MBTD1: variants seen among roughly 807,000 people sequenced by gnomAD.
The protein encoded by MBTD1 is mbt domain containing 1.
In MBTD1, 24 loss-of-function variants were observed where a neutral mutation model predicts 87.8. The ratio of observed to expected loss-of-function variants is 0.27; its 90% CI spans 0.20 to 0.38. The LOEUF (loss-of-function observed/expected upper bound fraction) is 0.38, where lower values mean the gene tolerates loss of function less well. MBTD1 is among the 10% of genes least tolerant of loss of function. The pLI, the probability that MBTD1 is intolerant of heterozygous loss-of-function variation, is 1.00. For synonymous variants in MBTD1, 237 were observed against 248.6 expected (o/e 0.95, Z 0.44); for missense variants, 436 against 760.2 (o/e 0.57, Z 5.02).
At chr17:51,194,667 A>G (rs1409816554) in intron 13 of MBTD1, among the ~76,000 whole-genome samples, 1 of 144,306 alleles carries the variant, frequency 6.9e-6, no homozygotes, top group Admixed American at 7.1e-5. Context: ...GGATCAGTTG[A>G]GGCCAGGACT....
intron 2 of MBTD1, among the ~76,000 whole-genome samples, chr17:51,232,645 T>G (rs1458844836): frequency 6.6e-6 from 1 of 151,814 alleles, no homozygotes; most frequent in Non-Finnish European, 1.5e-5. Flanking sequence ...AATGTAAAGA[T>G]CCAATAAAAG....
intron 3 of MBTD1, among the ~76,000 whole-genome samples, chr17:51,220,779 G>C (rs951773735): frequency 6.6e-6 from 1 of 152,110 alleles, no homozygotes; most frequent in Non-Finnish European, 1.5e-5. Flanking sequence ...CCATGTGCCA[G>C]GCATTTTCAT....
At chr17:51,190,335 G>T (rs570797256) in intron 16 of MBTD1, among the ~76,000 whole-genome samples, 33 of 152,020 alleles carry the variant, frequency 2.2e-4, no homozygotes, top group Admixed American at 3.9e-4. Context: ...ACCCAGGCTG[G>T]TCTAAAGCCA....
In MBTD1 at chr17:51,179,516, A is replaced by ATATATT. The variant is rs2050225238; in HGVS notation, c.*1059_*1060insAATATA. 2.3e-5 allele frequency: 2 copies of ATATATT among 87,960 alleles called. No homozygotes were observed. Among genetic ancestry groups the ATATATT allele is most frequent in the African/African-American group, 9.8e-5 (2 of 20,410 alleles). The allele number at this position is 87,960 out of a possible 1,614,324, so 5.4% of individuals were successfully genotyped here. A position where few individuals can be genotyped will look rare whatever the true frequency, so the allele number is the denominator to read the frequency against. On this transcript the variant is annotated 3_prime_UTR_variant, in exon 17 of 17. Coordinates refer to ENST00000586178, the MANE Select transcript of MBTD1 (RefSeq NM_017643.3). Reference sequence around the variant, plus strand: ...TATATATATATATATATATATATATATATATATATATATATATATATGGAA... The same window carrying ATATATT: ...TATATATATATATATATATATATATATATATTTATATATATATATATATATATGGAA...
At chr17:51,210,051 G>A (rs1303709510) in intron 6 of MBTD1, among the ~76,000 whole-genome samples, 8 of 152,118 alleles carry the variant, frequency 5.3e-5, no homozygotes, top group Admixed American at 5.2e-4. Flanking sequence ...GCCCAGGCTG[G>A]AGTGAAGTGG....
chr17:51,217,692 TC>T (rs1182750557), intron 5 of MBTD1, among the ~76,000 whole-genome samples: 3 of 152,194 alleles, frequency 2.0e-5, no homozygotes, highest in Non-Finnish European at 4.4e-5. Context: ...CACTGGAACT[TC>T]TGCTTCCCAG....
chr17:51,188,270 G>C (rs1024352954), intron 16 of MBTD1, among the ~76,000 whole-genome samples: 3 of 152,190 alleles, frequency 2.0e-5, no homozygotes, highest in African/African-American at 4.8e-5. Context: ...TTTGAGACTA[G>C]AGAGTGTCTA....
At chr17:51,227,611 GA>G (rs1010177342) in intron 2 of MBTD1, among the ~76,000 whole-genome samples, 14 of 148,810 alleles carry the variant, frequency 9.4e-5, no homozygotes, top group African/African-American at 2.7e-4. Context: ...TGTTGGAAAA[GA>G]AAAAAAAAAT....
intron 6 of MBTD1, among the ~76,000 whole-genome samples, chr17:51,212,932 G>A (rs1373346604): frequency 6.6e-6 from 1 of 152,138 alleles, no homozygotes; most frequent in African/African-American, 2.4e-5. Context: ...GTTTCACCAT[G>A]TTGATCAGGC....
intron 6 of MBTD1, among the ~76,000 whole-genome samples, chr17:51,208,821 G>T (rs12450473): frequency 0.16 from 24,104 of 152,162 alleles, 2,089 homozygotes; most frequent in Admixed American, 0.24. Flanking sequence ...ATTTGTTGGA[G>T]AAAACTTTTA....
At chr17:51,200,462 G>C (rs2051396358) in intron 12 of MBTD1, among the ~76,000 whole-genome samples, 1 of 149,814 alleles carries the variant, frequency 6.7e-6, no homozygotes, top group Admixed American at 6.8e-5. Flanking sequence ...CAGCTGCTCA[G>C]GAAGCTGAAG....
intron 3 of MBTD1, 51 bp downstream of exon 3, chr17:51,224,957 C>T: frequency 8.4e-7 from 1 of 1,186,710 alleles, no homozygotes; most frequent in Non-Finnish European, 1.1e-6. Context: ...CAAATGAAAA[C>T]ACACCCTTAA....
At chr17:51,181,989 T>C (rs566091537) in intron 16 of MBTD1, among the ~76,000 whole-genome samples, 2 of 152,076 alleles carry the variant, frequency 1.3e-5, no homozygotes, top group Non-Finnish European at 2.9e-5. Flanking sequence ...GAGGTGGTCT[T>C]TTGTGCTAAC....
Position 51,179,496 on chromosome 17 carries a change from A to T in MBTD1, c.*1080T>A, listed in dbSNP as rs1295403913. 1.9e-5 allele frequency: 1 copy of T among 53,092 alleles called. No homozygotes were observed. Among genetic ancestry groups the T allele is most frequent in the Non-Finnish European group, 3.8e-5 (1 of 26,102 alleles). The allele number at this position is 53,092 out of a possible 1,614,324, so 3.3% of individuals were successfully genotyped here. A position where few individuals can be genotyped will look rare whatever the true frequency, so the allele number is the denominator to read the frequency against. On this transcript the variant is annotated 3_prime_UTR_variant, in exon 17 of 17. Transcript: ENST00000586178. ...ATTAAAGACAATTTTATATATATAT[A>T]TATATATATATATATATATATATAT...
chr17:51,213,884 A>G (rs1329191705), intron 6 of MBTD1, among the ~76,000 whole-genome samples: 1 of 152,118 alleles, frequency 6.6e-6, no homozygotes, highest in Admixed American at 6.6e-5. Flanking sequence ...TTGTTAGAGA[A>G]AAGGGGAATT....
Position 51,178,252 on chromosome 17 carries a change from T to C in MBTD1, c.*2324A>G, listed in dbSNP as rs1312925385. 4 of 152,196 alleles carry C rather than the reference T, an allele frequency of 2.6e-5. No homozygotes were observed. Among genetic ancestry groups the C allele is most frequent in the East Asian group, 1.9e-4 (1 of 5,208 alleles). 9.4% of individuals were successfully genotyped at this position (152,196 alleles called of 1,614,324 possible). On this transcript the variant is annotated 3_prime_UTR_variant, in exon 17 of 17. Coordinates refer to ENST00000586178, the MANE Select transcript of MBTD1 (RefSeq NM_017643.3). ...TCGGTTCGTCGGCAGTAGGAGTTAG[T>C]GTGTGAACAATGAAAGAGGGCTTTA...
intron 12 of MBTD1, 25 bp from the exon 13 acceptor site, chr17:51,195,386 TAC>T (rs1233374515): frequency 6.5e-7 from 1 of 1,542,712 alleles, no homozygotes; most frequent in East Asian, 2.3e-5. Context: ...GAATTCTAAG[TAC>T]TTGAAATTAG....
intron 1 of MBTD1, 68 bp from the exon 2 acceptor site, chr17:51,259,274 C>T (rs1217809205): frequency 7.3e-6 from 9 of 1,231,558 alleles, no homozygotes; most frequent in Middle Eastern, 3.1e-4. Flanking sequence ...CGACTTGAAA[C>T]CCTTTTAAAT....
chr17:51,177,699 T>G lies in MBTD1; in HGVS notation c.*2877A>C, dbSNP rs1239226459. 2 of 152,128 alleles carry G rather than the reference T, an allele frequency of 1.3e-5. No homozygotes were observed. Among genetic ancestry groups the G allele is most frequent in the Admixed American group, 6.5e-5 (1 of 15,268 alleles). The allele number at this position is 152,128 out of a possible 1,614,324, so 9.4% of individuals were successfully genotyped here. On this transcript the variant is annotated 3_prime_UTR_variant, in exon 17 of 17. Coordinates refer to ENST00000586178, the MANE Select transcript of MBTD1 (RefSeq NM_017643.3). ...GATATTGATCTATATATCAAATACA[T>G]ACAGAAATGATGTAAAAACCTTATG...
Sources: allele counts gnomAD v4.1 joint callset (sites outside exome capture counted in the v4.1 genomes callset), GRCh38; gene constraint gnomAD v4.1.1; transcripts MANE v1.5; gene names NCBI Gene and HGNC (gene_info 2026-07-23, HGNC 2026-07-21).